RPS6KB1: variants seen among roughly 807,000 people sequenced by gnomAD.
The protein encoded by RPS6KB1 is ribosomal protein S6 kinase beta-1.
RPS6KB1 carries 12 observed loss-of-function variants against 70.2 expected under a neutral mutation model. The ratio of observed to expected loss-of-function variants is 0.17; its 90% CI spans 0.11 to 0.28. The LOEUF (loss-of-function observed/expected upper bound fraction) is 0.28. RPS6KB1 is among the 10% of genes least tolerant of loss of function. The probability of loss-of-function intolerance (pLI) is 1.00; values close to 1 mark genes in which losing one functional copy is unlikely to be tolerated. For synonymous variants in RPS6KB1, 175 were observed against 211.2 expected, an observed-to-expected ratio of 0.83 and a Z score of 1.49; for missense variants, 270 against 646.6, an observed-to-expected ratio of 0.42 and a Z score of 6.32.
At position 59,899,998 on chromosome 17, in the gene RPS6KB1, G is replaced by A. The variant is rs979871760; in HGVS notation, c.141+6673G>A. Among the ~76,000 whole-genome samples, 4 of 151,656 alleles carry A rather than the reference G, an allele frequency of 2.6e-5. No individual in the cohort carries two copies. In the Admixed American group the frequency reaches 2.6e-4, roughly 10 times the overall value. Reference sequence around the variant, plus strand: ...TGGCCAACAAAACAAGACCCTATCTGTACAAAAAATTAAAAAAATAAATAG... The same window carrying A: ...TGGCCAACAAAACAAGACCCTATCTATACAAAAAATTAAAAAAATAAATAG... On this transcript the variant is annotated intron_variant, in intron 1 of 14. Coordinates refer to ENST00000225577, the MANE Select transcript of RPS6KB1 (RefSeq NM_003161.4).
chr17:59,908,992 TC>T (rs1368446669), intron 1 of RPS6KB1, among the ~76,000 whole-genome samples: 1 of 148,128 alleles, frequency 6.8e-6, no homozygotes, highest in Non-Finnish European at 1.5e-5. Context: ...AATGGCGCGA[TC>T]TCGGCTCACT....
At chr17:59,926,656 A>G (rs1855694416) in intron 5 of RPS6KB1, 74 bp downstream of exon 5, 2 of 1,246,440 alleles carry the variant, frequency 1.6e-6, no homozygotes, top group Non-Finnish European at 2.3e-6. Flanking sequence ...TTTTCAATGG[A>G]AGAATACTTT....
intron 1 of RPS6KB1, among the ~76,000 whole-genome samples, chr17:59,901,474 A>C (rs1366975743): frequency 6.7e-6 from 1 of 148,586 alleles, no homozygotes; most frequent in African/African-American, 2.5e-5. Flanking sequence ...AAAAAAAAAA[A>C]GGAAATTTTT....
intron 4 of RPS6KB1, among the ~76,000 whole-genome samples, chr17:59,924,825 T>G (rs2043504271): frequency 2.0e-5 from 3 of 150,896 alleles, no homozygotes; most frequent in African/African-American, 7.3e-5. Context: ...ATTTATTTAT[T>G]TATTTATTTA....
chr17:59,938,166 CTTTCTT>C (rs2044350645), intron 12 of RPS6KB1, among the ~76,000 whole-genome samples: 1 of 72,592 alleles, frequency 1.4e-5, no homozygotes, highest in Non-Finnish European at 2.8e-5. Flanking sequence ...TTTTTCTTTT[CTTTCTT>C]TTTTTTTTTT....
Position 59,914,709 on chromosome 17 carries a change from T to A in RPS6KB1, c.381+6T>A. 3.1e-6 allele frequency: 5 copies of A among 1,601,248 alleles called. No individual in the cohort carries two copies. The highest frequency in any genetic ancestry group is 4.3e-6 in the Non-Finnish European group (5 of 1,170,022). ...CCATGAAGGTGCTTAAAAAGGTGAT[T>A]TCCACTCCCCCTTTTTAGTCCTCAC... On this transcript the variant is annotated splice_donor_region_variant and intron_variant, in intron 4 of 14. Coordinates refer to ENST00000225577, the MANE Select transcript of RPS6KB1 (RefSeq NM_003161.4).
chr17:59,895,203 G>T (rs1189616881), intron 1 of RPS6KB1, among the ~76,000 whole-genome samples: 1 of 151,010 alleles, frequency 6.6e-6, no homozygotes, highest in African/African-American at 2.4e-5. Context: ...TGTATTTTTA[G>T]TAGAGATGGA....
chr17:59,921,543 C>T (rs1318456383), intron 4 of RPS6KB1, among the ~76,000 whole-genome samples: 1 of 152,124 alleles, frequency 6.6e-6, no homozygotes, highest in Non-Finnish European at 1.5e-5. Flanking sequence ...CCTCTTCCCC[C>T]AGACTTTAAG....
chr17:59,930,833 C>T (rs1212847789), intron 6 of RPS6KB1: 1 of 152,126 alleles, frequency 6.6e-6, no homozygotes, highest in East Asian at 1.9e-4. Flanking sequence ...ATTTAAGAGC[C>T]TTAGGGATGA....
At chr17:59,901,985 C>T (rs1289307191) in intron 1 of RPS6KB1, among the ~76,000 whole-genome samples, 2 of 144,646 alleles carry the variant, frequency 1.4e-5, no homozygotes, top group East Asian at 4.0e-4. Flanking sequence ...GCACTTCAAC[C>T]TGCGCAACAG....
chr17:59,917,007 C>G (rs1303185266), intron 4 of RPS6KB1, among the ~76,000 whole-genome samples: 1 of 152,082 alleles, frequency 6.6e-6, no homozygotes. Context: ...CATTCTGATT[C>G]CCAGTCGTTT....
intron 4 of RPS6KB1, among the ~76,000 whole-genome samples, chr17:59,924,146 T>C (rs1449872069): frequency 6.6e-6 from 1 of 152,068 alleles, no homozygotes. Flanking sequence ...CTGGCCAGCA[T>C]GGTGAAACCC....
At chr17:59,913,070 A>G (rs140049776) in intron 3 of RPS6KB1, among the ~76,000 whole-genome samples, 3 of 152,332 alleles carry the variant, frequency 2.0e-5, no homozygotes, top group African/African-American at 7.2e-5. Flanking sequence ...GGCAAAGTCT[A>G]TTATTAAAGG....
chr17:59,912,537 T>C (rs1392230312), intron 2 of RPS6KB1, 147 bp from the exon 3 acceptor site: 17 of 727,090 alleles, frequency 2.3e-5, no homozygotes, highest in Non-Finnish European at 3.3e-5. Flanking sequence ...GCTGTTCTGT[T>C]TGTTTAGAGC....
chr17:59,931,501 C>G, intron 6 of RPS6KB1, 121 bp from the exon 7 acceptor site: 1 of 703,632 alleles, frequency 1.4e-6, no homozygotes, highest in Non-Finnish European at 2.5e-6. Context: ...ATACATCCCC[C>G]TACCCCACTA....
chr17:59,894,614 G>A (rs2041406542), intron 1 of RPS6KB1, among the ~76,000 whole-genome samples: 1 of 152,104 alleles, frequency 6.6e-6, no homozygotes. Flanking sequence ...TGTTTCTTTT[G>A]TTTTGTTTTG....
At chr17:59,943,370 T>C (rs143270957) in intron 13 of RPS6KB1, among the ~76,000 whole-genome samples, 49 of 152,312 alleles carry the variant, frequency 3.2e-4, no homozygotes, top group Non-Finnish European at 7.3e-5. Flanking sequence ...TTTCAACTTA[T>C]GTGACAGTTT....
At chr17:59,916,108 A>T (rs959926677) in intron 4 of RPS6KB1, among the ~76,000 whole-genome samples, 25 of 126,964 alleles carry the variant, frequency 2.0e-4, no homozygotes, top group Non-Finnish European at 3.9e-4. Flanking sequence ...GCAGTTTTCA[A>T]TTTTTTTTTT....
chr17:59,934,702 A>C lies in RPS6KB1; in HGVS notation c.870+178A>C. The C allele has an allele frequency of 1.9e-6, 1 of 531,846 alleles. No individual in the cohort carries two copies. Among genetic ancestry groups the C allele is most frequent in the Non-Finnish European group, 3.3e-6 (1 of 302,616 alleles). 32.9% of individuals were successfully genotyped at this position (531,846 alleles called of 1,614,324 possible). A position where few individuals can be genotyped will look rare whatever the true frequency, so the allele number is the denominator to read the frequency against. On this transcript the variant is annotated intron_variant, in intron 9 of 14. Transcript: ENST00000225577. This position sits in a 1 kb window ranked among gnomAD's most constrained non-coding sequence, Gnocchi z 4.8. ...ATTATATGGGATCCCATACTTTCCG[A>C]AACATTTTCTTTTAAATGATCTATG...
Sources: allele counts gnomAD v4.1 joint callset (sites outside exome capture counted in the v4.1 genomes callset), GRCh38; gene constraint gnomAD v4.1.1; non-coding constraint Gnocchi (gnomAD v3.1); transcripts MANE v1.5; gene names NCBI Gene and HGNC (gene_info 2026-07-23, HGNC 2026-07-21).